Variants in RELN observed in about 807,000 individuals in gnomAD.
RELN encodes the protein reelin.
In RELN, 108 loss-of-function variants were observed where a neutral mutation model predicts 427.6. The observed-to-expected ratio is 0.25, with a 90% CI of 0.22 to 0.30. The LOEUF is 0.30. Ranked by LOEUF, RELN falls within the 10% of genes least tolerant of loss-of-function variation. The pLI, the probability that RELN is intolerant of heterozygous loss-of-function variation, is 1.00. For missense variants in RELN, 3,715 were observed against 4,302.8 expected, an observed-to-expected ratio of 0.86 and a Z score of 3.82; for synonymous variants, 1,524 against 1,513.4, an observed-to-expected ratio of 1.01 and a Z score of -0.16.
intron 2 of RELN, among the ~76,000 whole-genome samples, chr7:103,889,390 T>C (rs1373217570): frequency 1.3e-5 from 2 of 152,204 alleles, no homozygotes; most frequent in Admixed American, 6.5e-5. Flanking sequence ...ATTTCTCTTT[T>C]GGGAATGCTA....
intron 36 of RELN, among the ~76,000 whole-genome samples, chr7:103,559,824 G>A (rs57779540): frequency 6.6e-6 from 1 of 152,170 alleles, no homozygotes; most frequent in African/African-American, 2.4e-5. Flanking sequence ...TAATGAAAAA[G>A]CTTTGAGATA....
At chr7:103,799,022 T>C (rs1792379256) in intron 3 of RELN, among the ~76,000 whole-genome samples, 1 of 152,298 alleles carries the variant, frequency 6.6e-6, no homozygotes, top group South Asian at 2.1e-4. Flanking sequence ...GTTTCAGACC[T>C]ACCCCCTCTT....
At chr7:103,759,990 CTTTTTTTTTT>C (rs57019839) in intron 4 of RELN, among the ~76,000 whole-genome samples, 50 of 64,912 alleles carry the variant, frequency 7.7e-4, no homozygotes, top group Admixed American at 1.6e-3. Flanking sequence ...CACAGTCATA[CTTTTTTTTTT>C]TTTTTTTTTT....
At chr7:103,511,135 A>C (rs1829397373) in intron 50 of RELN, 130 bp from the exon 51 acceptor site, 2 of 697,914 alleles carry the variant, frequency 2.9e-6, no homozygotes, top group Non-Finnish European at 5.2e-6. Context: ...CTATAGACAA[A>C]ACACTAATAT....
Position 103,630,324 on chromosome 7 carries a change from CCTGT to C in RELN, c.2466-152_2466-149del. 4.7e-6 allele frequency: 3 copies of C among 643,046 alleles called. No homozygotes were observed. The South Asian group carries it at 5.8e-5, about 12-fold the overall frequency. 39.8% of individuals were successfully genotyped at this position (643,046 alleles called of 1,614,324 possible). On this transcript the variant is annotated intron_variant, in intron 19 of 64. Transcript: ENST00000428762. ...CATTTTTTTTTGAGATGTCCAGTTTCCTGTCTGTTTCCAACAGTCTTCCACACAC... is the reference window on the plus strand; with the variant it reads ...CATTTTTTTTTGAGATGTCCAGTTTCCTGTTTCCAACAGTCTTCCACACAC...
At position 103,503,117 on chromosome 7, in the gene RELN, A is replaced by G; in HGVS notation, c.8388T>C (p.Ala2796=). 6.2e-7 allele frequency: 1 copy of G among 1,614,238 alleles called. No individual in the cohort carries two copies. ...AAACACTTCCAGAGCATTTTGGGTC[A>G]GCAGGCAAGCACTGAGGGACCAGAT... ...WNYLVPQCLP[A]DPKCSGSVSQ... The change falls in exon 52 of 65, where the codon GCT becomes GCC. Residue 2796 remains alanine (A), a synonymous_variant. Transcript: ENST00000428762.
At chr7:103,549,855 T>A (rs182923759) in intron 41 of RELN, among the ~76,000 whole-genome samples, 29 of 152,324 alleles carry the variant, frequency 1.9e-4, no homozygotes, top group African/African-American at 5.8e-4. Flanking sequence ...ATAAAAACTT[T>A]TTCCTGGATT....
intron 42 of RELN, among the ~76,000 whole-genome samples, chr7:103,543,817 A>G (rs1830226148): frequency 6.6e-6 from 1 of 152,220 alleles, no homozygotes; most frequent in Admixed American, 6.5e-5. Context: ...ATTCACTGGC[A>G]TTTAGTTGAT....
intron 50 of RELN, 25 bp from the exon 51 acceptor site, chr7:103,511,030 A>T: frequency 6.3e-7 from 1 of 1,598,016 alleles, no homozygotes; most frequent in South Asian, 1.1e-5. Context: ...ACAAAATTTT[A>T]TGACAAATTT....
rs980435092 is a variant in RELN, at chr7:103,953,886, C to A, written c.226+35245G>T. On this transcript the variant is annotated intron_variant, in intron 1 of 64. Coordinates refer to ENST00000428762, the MANE Select transcript of RELN (RefSeq NM_005045.4). This position sits in a 1 kb window ranked among gnomAD's most constrained non-coding sequence, Gnocchi z 4.3. ...GGCAGAGGCTGCAATGAGTCAAGAC[C>A]GTGCCACTACATGCCAGGCTGTGCG... Among the ~76,000 whole-genome samples, 2 of 151,962 alleles carry A rather than the reference C, an allele frequency of 1.3e-5. No individual in the cohort carries two copies. Among genetic ancestry groups the A allele is most frequent in the Admixed American group, 6.6e-5 (1 of 15,232 alleles).
intron 3 of RELN, among the ~76,000 whole-genome samples, chr7:103,793,741 G>A (rs146125826): frequency 2.4e-3 from 372 of 152,236 alleles, no homozygotes; most frequent in African/African-American, 8.3e-3. Flanking sequence ...GGTTGTCATC[G>A]GTAGTACAAG....
At chr7:103,951,073 G>A (rs1216391317) in intron 1 of RELN, among the ~76,000 whole-genome samples, 1 of 152,156 alleles carries the variant, frequency 6.6e-6, no homozygotes, top group African/African-American at 2.4e-5. Flanking sequence ...GGGATTACAG[G>A]CACCTGCCAC....
rs1356630371 is a variant in RELN at position 103,968,061 on chromosome 7, T to C, written c.226+21070A>G. On this transcript the variant is annotated intron_variant, in intron 1 of 64. Transcript: ENST00000428762. The surrounding 1 kb of genome is among the most constrained non-coding windows in gnomAD (Gnocchi z 4.3). ...ATATATTTATATATATGAATATATA[T>C]ATTTCTCAAAGTATATATTTCTCAA... Among the ~76,000 whole-genome samples the C allele has an allele frequency of 1.3e-5, 2 of 149,560 alleles. No homozygotes were observed. The highest frequency in any genetic ancestry group is 6.7e-5 in the Admixed American group (1 of 14,972).
rs60728490 is a variant in RELN at position 103,773,197 on chromosome 7, T to TTC, written c.544+3358_544+3359dup. ...TTCTTTCCTTCTTTCTTTTCTTTCT[T>TTC]TCTCTCTCTCTCTCTCTCTCCCTCC... On this transcript the variant is annotated intron_variant, in intron 4 of 64. Coordinates refer to ENST00000428762, the MANE Select transcript of RELN (RefSeq NM_005045.4). Among the ~76,000 whole-genome samples the TTC allele has an allele frequency of 1.7e-4, 17 of 100,302 alleles. 1 individual carries two copies. The highest frequency in any genetic ancestry group is 6.5e-4 in the South Asian group (2 of 3,072). The allele number at this position is 100,302 out of a possible 152,430, so 65.8% of individuals were successfully genotyped here.
At chr7:103,922,021 G>A (rs1795627499) in intron 1 of RELN, among the ~76,000 whole-genome samples, 1 of 152,126 alleles carries the variant, frequency 6.6e-6, no homozygotes, top group Non-Finnish European at 1.5e-5. Context: ...CAAGGGAGAA[G>A]CTCAACTTTT....
intron 46 of RELN, among the ~76,000 whole-genome samples, chr7:103,524,247 C>G (rs538030790): frequency 2.0e-4 from 31 of 152,234 alleles, no homozygotes; most frequent in African/African-American, 7.0e-4. Context: ...CGAGCAGCCG[C>G]AAGCCCTCTG....
chr7:103,735,460 T>C (rs1489623793), intron 6 of RELN, among the ~76,000 whole-genome samples: 1 of 151,830 alleles, frequency 6.6e-6, no homozygotes, highest in East Asian at 1.9e-4. Flanking sequence ...TAGTCTGGGG[T>C]CCCCACATAG....
At chr7:103,612,437 G>T (rs528873888) in intron 20 of RELN, among the ~76,000 whole-genome samples, 1 of 151,488 alleles carries the variant, frequency 6.6e-6, no homozygotes, top group African/African-American at 2.4e-5. Context: ...CACCATGCCC[G>T]GCTAATTTTG....
At chr7:103,611,334 A>G (rs183433702) in intron 21 of RELN, among the ~76,000 whole-genome samples, 11 of 152,318 alleles carry the variant, frequency 7.2e-5, no homozygotes, top group Admixed American at 2.0e-4. Context: ...AGGGATAGAG[A>G]AAATAATACT....
Sources: gnomAD v4.1 joint callset for allele counts (sites outside exome capture counted in the v4.1 genomes callset) on GRCh38, gnomAD v4.1.1 for gene constraint, Gnocchi (gnomAD v3.1) non-coding constraint, MANE v1.5 for transcripts, NCBI Gene and HGNC (gene_info 2026-07-23, HGNC 2026-07-21) for gene names.